The following ZNF804B variants were observed in gnomAD, a reference collection of about 807,000 sequenced individuals.
The protein encoded by ZNF804B is zinc finger protein 804B.
A neutral mutation model predicts 101.4 loss-of-function variants in ZNF804B; 80 were observed. The ratio of observed to expected loss-of-function variants is 0.79; its 90% confidence interval spans 0.66 to 0.95. The LOEUF (loss-of-function observed/expected upper bound fraction) is 0.95, where lower values mean the gene tolerates loss of function less well. Ranked by LOEUF, ZNF804B falls within the 40% of genes least tolerant of loss-of-function variation. The probability of loss-of-function intolerance (pLI) is 0.00; values close to 1 mark genes in which losing one functional copy is unlikely to be tolerated. For missense variants in ZNF804B, 1,673 were observed against 1,561.9 expected (o/e 1.07, Z -1.20); for synonymous variants, 622 against 558.8 (o/e 1.11, Z -1.59).
intron 1 of ZNF804B, among the ~76,000 whole-genome samples, chr7:89,006,483 A>G (rs376712201): frequency 6.6e-6 from 1 of 152,126 alleles, no homozygotes; most frequent in Non-Finnish European, 1.5e-5. Flanking sequence ...GTGAAGAATG[A>G]TTATGTTTTG....
At chr7:88,952,633 G>A (rs960889307) in intron 1 of ZNF804B, among the ~76,000 whole-genome samples, 1 of 151,738 alleles carries the variant, frequency 6.6e-6, no homozygotes, top group African/African-American at 2.4e-5. Flanking sequence ...AACAGCTTTT[G>A]TTCTTAATGA....
At chr7:88,825,057 A>G (rs1267768152) in intron 1 of ZNF804B, among the ~76,000 whole-genome samples, 1 of 152,154 alleles carries the variant, frequency 6.6e-6, no homozygotes, top group South Asian at 2.1e-4. Context: ...TTTCTGGTAC[A>G]TTTATGTCCT....
intron 1 of ZNF804B, among the ~76,000 whole-genome samples, chr7:88,781,405 C>G (rs1050705764): frequency 2.6e-5 from 4 of 152,100 alleles, no homozygotes; most frequent in Admixed American, 2.0e-4. Flanking sequence ...TATCTTCAGC[C>G]TACTGACTCC....
intron 1 of ZNF804B, among the ~76,000 whole-genome samples, chr7:89,143,459 C>CT (rs1173150806): frequency 1.3e-5 from 2 of 151,926 alleles, no homozygotes. Flanking sequence ...ATCTAACTAC[C>CT]TAACACTAAC....
intron 2 of ZNF804B, among the ~76,000 whole-genome samples, chr7:89,292,437 C>A (rs976757609): frequency 9.2e-5 from 14 of 152,022 alleles, no homozygotes; most frequent in African/African-American, 3.4e-4. Flanking sequence ...TATTAGTTTT[C>A]TTTTTGCTTG....
chr7:88,825,622 C>T (rs968870911), intron 1 of ZNF804B, among the ~76,000 whole-genome samples: 1 of 152,130 alleles, frequency 6.6e-6, no homozygotes, highest in Non-Finnish European at 1.5e-5. Context: ...GTGTCCCTGG[C>T]TAATACAAAG....
intron 1 of ZNF804B, among the ~76,000 whole-genome samples, chr7:89,178,850 G>C (rs555048305): frequency 6.6e-6 from 1 of 152,124 alleles, no homozygotes; most frequent in Non-Finnish European, 1.5e-5. Flanking sequence ...TGCAGAACAG[G>C]TCTCCTGTTT....
intron 1 of ZNF804B, among the ~76,000 whole-genome samples, chr7:88,845,082 C>G (rs1013992698): frequency 6.6e-6 from 1 of 152,232 alleles, no homozygotes; most frequent in African/African-American, 2.4e-5. Context: ...GGAAAACTTA[C>G]AAAGGGAGAC....
In ZNF804B at chr7:88,850,373, A is replaced by G. The variant is rs533945643; in HGVS notation, c.108+90289A>G. Among the ~76,000 whole-genome samples the G allele has an allele frequency of 4.6e-5, 7 of 152,204 alleles. No individual in the cohort carries two copies. In the East Asian group the frequency reaches 1.4e-3, roughly 29 times the overall value. ...CAGAATAGAGTATCAGAGGTGAGAG[A>G]CACACAGACAGAAACCTGAAAATCT... On this transcript the variant is annotated intron_variant, in intron 1 of 3. Transcript: ENST00000333190.
Position 89,231,709 on chromosome 7 carries a change from T to C in ZNF804B, c.249+13414T>C, listed in dbSNP as rs536131055. Among the ~76,000 whole-genome samples, 214 of 152,192 alleles carry C rather than the reference T, an allele frequency of 1.4e-3. 1 individual carries two copies. The highest frequency in any genetic ancestry group is 5.1e-3 in the African/African-American group (211 of 41,576). On this transcript the variant is annotated intron_variant, in intron 2 of 3. Coordinates refer to ENST00000333190, the MANE Select transcript of ZNF804B (RefSeq NM_181646.5). The stretch of plus-strand genomic sequence containing the variant: ...TTTTTATGCTATTTGAAAGGGAATT[T>C]TAATTTGACTTTCTGTTTGTTGCCA...
intron 1 of ZNF804B, among the ~76,000 whole-genome samples, chr7:89,053,386 T>C (rs953876313): frequency 3.3e-5 from 5 of 152,068 alleles, no homozygotes; most frequent in African/African-American, 9.7e-5. Flanking sequence ...CTCCAGTATC[T>C]AGAAAATCAT....
At chr7:88,831,282 C>T (rs1182435092) in intron 1 of ZNF804B, among the ~76,000 whole-genome samples, 1 of 151,838 alleles carries the variant, frequency 6.6e-6, no homozygotes, top group Non-Finnish European at 1.5e-5. Flanking sequence ...TAAGGATTTG[C>T]CTATTCTTGA....
At chr7:89,126,594 C>T (rs1790476258) in intron 1 of ZNF804B, among the ~76,000 whole-genome samples, 1 of 151,924 alleles carries the variant, frequency 6.6e-6, no homozygotes, top group South Asian at 2.1e-4. Context: ...AATTTTACCT[C>T]TCATTATTAG....
chr7:89,332,082 TA>T (rs1281745736), intron 3 of ZNF804B, among the ~76,000 whole-genome samples: 2 of 151,412 alleles, frequency 1.3e-5, no homozygotes, highest in Non-Finnish European at 3.0e-5. Context: ...TTACACTTTA[TA>T]AGAAGGGAAA....
intron 1 of ZNF804B, among the ~76,000 whole-genome samples, chr7:88,822,628 C>G (rs896116562): frequency 1.3e-5 from 2 of 152,002 alleles, no homozygotes; most frequent in African/African-American, 4.8e-5. Flanking sequence ...AAAGGTAATG[C>G]TGCAGAGAAG....
At chr7:89,090,416 A>C (rs1789866255) in intron 1 of ZNF804B, among the ~76,000 whole-genome samples, 1 of 152,078 alleles carries the variant, frequency 6.6e-6, no homozygotes, top group Admixed American at 6.6e-5. Flanking sequence ...TCAGGATGTG[A>C]TTAGTTAGTT....
At chr7:89,178,392 A>T (rs1788238378) in intron 1 of ZNF804B, among the ~76,000 whole-genome samples, 1 of 148,222 alleles carries the variant, frequency 6.7e-6, no homozygotes, top group Non-Finnish European at 1.5e-5. Flanking sequence ...GCTATATTTT[A>T]ATTTCTTGAT....
rs574105857 is a variant in ZNF804B at position 89,107,277 on chromosome 7, T to C, written c.109-110878T>C. Among the ~76,000 whole-genome samples the C allele has an allele frequency of 1.1e-4, 16 of 152,266 alleles. No individual in the cohort carries two copies. In the South Asian group the frequency reaches 3.1e-3, roughly 30 times the overall value. On this transcript the variant is annotated intron_variant, in intron 1 of 3. Transcript: ENST00000333190. ...ATGATAGTTATTTTAATGTGTGTGATTTGAGAATATAGTGATGAATTATAA... is the reference window on the plus strand; with the variant it reads ...ATGATAGTTATTTTAATGTGTGTGACTTGAGAATATAGTGATGAATTATAA...
chr7:89,232,594 G>A (rs1789208875), intron 2 of ZNF804B, among the ~76,000 whole-genome samples: 1 of 151,952 alleles, frequency 6.6e-6, no homozygotes, highest in East Asian at 1.9e-4. Flanking sequence ...TTCTTGGCTC[G>A]ATTTTGGCAA....
Sources: allele counts gnomAD v4.1 joint callset (sites outside exome capture counted in the v4.1 genomes callset), GRCh38; gene constraint gnomAD v4.1.1; transcripts MANE v1.5; gene names NCBI Gene and HGNC (gene_info 2026-07-23, HGNC 2026-07-21).